PRDM16: variants seen among roughly 807,000 people sequenced by gnomAD.
The protein encoded by PRDM16 is PR/SET domain 16, also known as histone-lysine N-methyltransferase PRDM16.
PRDM16 carries 23 observed loss-of-function variants against 110.6 expected under a neutral mutation model. The observed-to-expected ratio is 0.21, with a 90% CI of 0.15 to 0.29. PRDM16 has a LOEUF of 0.29. Among genes scored for constraint, PRDM16 ranks in the 10% least tolerant of loss-of-function variants. PRDM16 has a pLI of 1.00. For synonymous variants in PRDM16, 799 were observed against 781.8 expected, an observed-to-expected ratio of 1.02 and a Z score of -0.37; for missense variants, 1,615 against 1,794.3, an observed-to-expected ratio of 0.90 and a Z score of 1.81.
intron 3 of PRDM16, chr1:3,309,924 C>T (rs1269010178): frequency 6.6e-6 from 1 of 152,236 alleles, no homozygotes; most frequent in Non-Finnish European, 1.5e-5. Context: ...AGAGCAGCCT[C>T]TCCCCATGGC....
chr1:3,152,375 TCCATCCA>T, intron 1 of PRDM16, among the ~76,000 whole-genome samples: 1 of 147,070 alleles, frequency 6.8e-6, no homozygotes, highest in Admixed American at 6.6e-5. Flanking sequence ...CATCCATCCA[TCCATCCA>T]TTTATCCATC....
intron 3 of PRDM16, among the ~76,000 whole-genome samples, chr1:3,291,004 G>A (rs762882265): frequency 6.6e-6 from 1 of 151,846 alleles, no homozygotes. Context: ...CAGGGGCCTG[G>A]GAGAGGCCAT....
At chr1:3,233,037 G>A (rs1639451728) in intron 2 of PRDM16, among the ~76,000 whole-genome samples, 1 of 152,194 alleles carries the variant, frequency 6.6e-6, no homozygotes, top group Non-Finnish European at 1.5e-5. Flanking sequence ...AACTAAAAAG[G>A]GTTGAGATAA....
intron 1 of PRDM16, among the ~76,000 whole-genome samples, chr1:3,100,638 C>T (rs1472020207): frequency 2.0e-5 from 3 of 152,170 alleles, no homozygotes; most frequent in Admixed American, 1.3e-4. Context: ...TTGACGCTGC[C>T]GCCTGGAGCC....
chr1:3,142,850 G>C (rs745881602), intron 1 of PRDM16, among the ~76,000 whole-genome samples: 13 of 152,330 alleles, frequency 8.5e-5, no homozygotes, highest in Admixed American at 3.9e-4. Context: ...TGGGGCCCTG[G>C]TGTTACAGGC....
intron 5 of PRDM16, 76 bp downstream of exon 5, chr1:3,396,669 G>A (rs1643391135): frequency 3.1e-6 from 2 of 645,618 alleles, no homozygotes; most frequent in African/African-American, 1.8e-5. Flanking sequence ...AGATGCCTGG[G>A]AGGACCGAGG....
chr1:3,340,031 C>T (rs1469745116), intron 3 of PRDM16, among the ~76,000 whole-genome samples: 2 of 152,328 alleles, frequency 1.3e-5, no homozygotes, highest in East Asian at 1.9e-4. Flanking sequence ...CAATGGCAGG[C>T]GATCTCTGCT....
intron 3 of PRDM16, among the ~76,000 whole-genome samples, chr1:3,329,498 C>A (rs1396262723): frequency 3.3e-5 from 5 of 152,164 alleles, no homozygotes; most frequent in African/African-American, 4.8e-5. Flanking sequence ...GAGGGGTTTG[C>A]AGCAACACTT....
intron 2 of PRDM16, among the ~76,000 whole-genome samples, chr1:3,240,958 A>C (rs1280626244): frequency 6.6e-6 from 1 of 152,078 alleles, no homozygotes; most frequent in Non-Finnish European, 1.5e-5. Flanking sequence ...GGGTGCGGGG[A>C]GGTTGAGAGC....
At position 3,298,520 on chromosome 1, in the gene PRDM16, G is replaced by A. The variant is rs571861592; in HGVS notation, c.438+54383G>A. Reference sequence around the variant, plus strand: ...TTGAATCCCCACCCCCCGGCCCGGAGAGGGCAGCCCCGGATGATGCCTTTG... The same window carrying A: ...TTGAATCCCCACCCCCCGGCCCGGAAAGGGCAGCCCCGGATGATGCCTTTG... On this transcript the variant is annotated intron_variant, in intron 3 of 16. Transcript: ENST00000270722. Among the ~76,000 whole-genome samples the A allele has an allele frequency of 1.7e-3, 257 of 152,338 alleles. 1 individual carries two copies. Among genetic ancestry groups the A allele is most frequent in the Non-Finnish European group, 2.1e-3 (143 of 68,032 alleles).
intron 3 of PRDM16, among the ~76,000 whole-genome samples, chr1:3,274,045 A>G (rs991475691): frequency 6.6e-6 from 1 of 151,360 alleles, no homozygotes; most frequent in Non-Finnish European, 1.5e-5. Context: ...TGGGTGAATT[A>G]GGATCCAAAT....
chr1:3,103,455 C>T (rs1205919449), intron 1 of PRDM16, among the ~76,000 whole-genome samples: 2 of 152,242 alleles, frequency 1.3e-5, no homozygotes, highest in Admixed American at 6.5e-5. Context: ...AGGGCTTCGC[C>T]TGTGAATTTG....
chr1:3,339,585 G>C lies in PRDM16; in HGVS notation c.439-45567G>C, dbSNP rs556420350. On this transcript the variant is annotated intron_variant, in intron 3 of 16. Coordinates refer to ENST00000270722, the MANE Select transcript of PRDM16 (RefSeq NM_022114.4). The surrounding 1 kb of genome is among the most constrained non-coding windows in gnomAD (Gnocchi z 5.0). The stretch of plus-strand genomic sequence containing the variant: ...GTGGGAAGGAGCGTGGGAGGAGGCT[G>C]CGGAGCGACCATTGCCTTGGTCTCG... Among the ~76,000 whole-genome samples, 1 of 152,208 alleles carries C rather than the reference G, an allele frequency of 6.6e-6. No homozygotes were observed. The highest frequency in any genetic ancestry group is 2.4e-5 in the African/African-American group (1 of 41,514).
chr1:3,144,294 C>T (rs1034826464), intron 1 of PRDM16, among the ~76,000 whole-genome samples: 4 of 152,192 alleles, frequency 2.6e-5, no homozygotes, highest in Admixed American at 6.5e-5. Context: ...GGGAGAGAGG[C>T]GCCGGCCATC....
chr1:3,358,719 C>T lies in PRDM16; in HGVS notation c.439-26433C>T, dbSNP rs114302502. Among the ~76,000 whole-genome samples the T allele has an allele frequency of 1.8e-4, 27 of 152,298 alleles. No individual in the cohort carries two copies. The East Asian group carries it at 2.1e-3, about 12-fold the overall frequency. ...GTGAACAAATATCGCCACGTGTGCG[C>T]GATCAGAGCTGAGTAACCTGCTCCA... On this transcript the variant is annotated intron_variant, in intron 3 of 16. Transcript: ENST00000270722. This position sits in a 1 kb window ranked among gnomAD's most constrained non-coding sequence, Gnocchi z 4.0.
intron 2 of PRDM16, among the ~76,000 whole-genome samples, chr1:3,191,913 C>T (rs1282585084): frequency 4.6e-5 from 7 of 152,202 alleles, no homozygotes; most frequent in African/African-American, 1.7e-4. Context: ...AGCTTCCCCA[C>T]ATACCAGGAA....
intron 2 of PRDM16, among the ~76,000 whole-genome samples, chr1:3,197,655 T>A (rs1370484347): frequency 6.6e-6 from 1 of 152,160 alleles, no homozygotes; most frequent in Non-Finnish European, 1.5e-5. Flanking sequence ...TTTGAGTAAT[T>A]TCCCAGCAGC....
chr1:3,160,121 T>C (rs994436831), intron 1 of PRDM16, among the ~76,000 whole-genome samples: 1 of 152,234 alleles, frequency 6.6e-6, no homozygotes, highest in African/African-American at 2.4e-5. Context: ...CGGGCATTTC[T>C]GAGCTCCCGC....
Position 3,434,143 on chromosome 1 carries a change from C to T in PRDM16, c.*332C>T, listed in dbSNP as rs1269513910. On this transcript the variant is annotated 3_prime_UTR_variant, in exon 17 of 17. Coordinates refer to ENST00000270722, the MANE Select transcript of PRDM16 (RefSeq NM_022114.4). The stretch of plus-strand genomic sequence containing the variant: ...CTCTGCTGAGACAGAAGCTGGTGGC[C>T]ACTGCCGGGTGCCCGCGTGGGGTCG... The T allele has an allele frequency of 1.5e-5, 5 of 340,024 alleles. No homozygotes were observed. Among genetic ancestry groups the T allele is most frequent in the Admixed American group, 9.1e-5 (2 of 21,988 alleles). The allele number at this position is 340,024 out of a possible 1,614,324, so 21.1% of individuals were successfully genotyped here.
Sources: gnomAD v4.1 joint callset for allele counts (sites outside exome capture counted in the v4.1 genomes callset) on GRCh38, gnomAD v4.1.1 for gene constraint, Gnocchi (gnomAD v3.1) non-coding constraint, MANE v1.5 for transcripts, NCBI Gene and HGNC (gene_info 2026-07-23, HGNC 2026-07-21) for gene names.